Variants in MYLK4 observed in about 807,000 individuals in gnomAD.
MYLK4 encodes the protein caMLCK like.
A neutral mutation model predicts 48.1 loss-of-function variants in MYLK4; 46 were observed. That is an observed-to-expected ratio of 0.96 (90% CI 0.75 to 1.22). MYLK4 has a LOEUF of 1.22. Among genes scored for constraint, MYLK4 ranks in the 50% most tolerant of loss-of-function variants. The pLI is 0.00. For synonymous variants in MYLK4, 170 were observed against 180.8 expected, an observed-to-expected ratio of 0.94 and a Z score of 0.48; for missense variants, 451 against 486.1, an observed-to-expected ratio of 0.93 and a Z score of 0.68.
intron 2 of MYLK4, among the ~76,000 whole-genome samples, chr6:2,694,318 G>A (rs1369393109): frequency 1.3e-5 from 2 of 149,894 alleles, no homozygotes; most frequent in African/African-American, 2.5e-5. Context: ...ACAGAACTCA[G>A]CACATATCCC....
At chr6:2,766,601 A>G in the MYLK4 span, among the ~76,000 whole-genome samples, 1 of 152,180 alleles carries the variant, frequency 6.6e-6, no homozygotes. Flanking sequence ...TGCCTGGTCC[A>G]CAGGTGGAGT....
chr6:2,696,344 G>A (rs1762059935), intron 2 of MYLK4, among the ~76,000 whole-genome samples: 1 of 152,142 alleles, frequency 6.6e-6, no homozygotes, highest in Non-Finnish European at 1.5e-5. Context: ...CCCCCCCGAC[G>A]ATATACGCAC....
chr6:2,765,672 A>G, the MYLK4 span: 8 of 1,552,784 alleles, frequency 5.2e-6, no homozygotes, highest in South Asian at 8.0e-5. Context: ...CAGCTGCACC[A>G]GGTGCAGTGC....
the MYLK4 span, chr6:2,766,279 A>G: frequency 8.8e-6 from 14 of 1,586,786 alleles, no homozygotes; most frequent in African/African-American, 1.2e-4. Flanking sequence ...AGGAGATCCG[A>G]CAGATGCTAC....
chr6:2,675,970 T>C (rs1761065308), intron 10 of MYLK4, among the ~76,000 whole-genome samples: 1 of 151,548 alleles, frequency 6.6e-6, no homozygotes, highest in Non-Finnish European at 1.5e-5. Flanking sequence ...GGCACACCTG[T>C]AATCCCAGCT....
intron 2 of MYLK4, among the ~76,000 whole-genome samples, chr6:2,710,914 G>A (rs567273027): frequency 6.6e-6 from 1 of 152,326 alleles, no homozygotes; most frequent in South Asian, 2.1e-4. Context: ...AATGTCCGAG[G>A]TAATAAAATT....
chr6:2,686,047 G>A (rs1390312401), intron 4 of MYLK4, among the ~76,000 whole-genome samples: 1 of 142,138 alleles, frequency 7.0e-6, no homozygotes, highest in Non-Finnish European at 1.5e-5. Context: ...CAGCCTGGGC[G>A]ACAGTGCAAG....
chr6:2,688,970 G>C lies in MYLK4; in HGVS notation c.236-14C>G, dbSNP rs1299575220. The C allele has an allele frequency of 1.2e-6, 2 of 1,610,936 alleles. No individual in the cohort carries two copies. Among genetic ancestry groups the C allele is most frequent in the Non-Finnish European group, 1.7e-6 (2 of 1,177,050 alleles). ...CCGGGATGTCAACTAGAAGGTGAGAGAAACAGAAGGGCAATCTGTCAAGAA... is the reference window on the plus strand; with the variant it reads ...CCGGGATGTCAACTAGAAGGTGAGACAAACAGAAGGGCAATCTGTCAAGAA... On this transcript the variant is annotated splice_polypyrimidine_tract_variant and intron_variant, in intron 3 of 12. Coordinates refer to ENST00000274643, the MANE Select transcript of MYLK4 (RefSeq NM_001012418.5).
chr6:2,679,511 A>G (rs1761215332), intron 8 of MYLK4, 103 bp from the exon 9 acceptor site: 1 of 1,386,750 alleles, frequency 7.2e-7, no homozygotes, highest in Admixed American at 1.7e-5. Flanking sequence ...GCCATACAGC[A>G]AACTTCAGAC....
At position 2,666,755 on chromosome 6, in the gene MYLK4, G is replaced by C. The variant is rs1209019555; in HGVS notation, c.*1170C>G. On this transcript the variant is annotated 3_prime_UTR_variant, in exon 13 of 13. Coordinates refer to ENST00000274643, the MANE Select transcript of MYLK4 (RefSeq NM_001012418.5). Reference sequence around the variant, plus strand: ...TGGGCCCCATAAGCTGTCTACAGTAGGGCCATTTCCTTTCTTACATATCTG... The same window carrying C: ...TGGGCCCCATAAGCTGTCTACAGTACGGCCATTTCCTTTCTTACATATCTG... 6.6e-6 allele frequency: 1 copy of C among 152,168 alleles called. No homozygotes were observed. The highest frequency in any genetic ancestry group is 1.5e-5 in the Non-Finnish European group (1 of 68,050). The allele number at this position is 152,168 out of a possible 1,614,324, so 9.4% of individuals were successfully genotyped here.
chr6:2,682,963 GC>G, intron 7 of MYLK4, 57 bp downstream of exon 7: 2 of 1,597,844 alleles, frequency 1.3e-6, no homozygotes. Flanking sequence ...AGCAGACAGG[GC>G]CCACTGTGCA....
chr6:2,740,860 A>G (rs1763876397), intron 2 of MYLK4, among the ~76,000 whole-genome samples: 1 of 152,226 alleles, frequency 6.6e-6, no homozygotes, highest in African/African-American at 2.4e-5. Context: ...AGAAAATGAC[A>G]AATAAGTGAA....
chr6:2,720,586 A>G (rs1763034163), intron 2 of MYLK4, among the ~76,000 whole-genome samples: 1 of 152,210 alleles, frequency 6.6e-6, no homozygotes, highest in African/African-American at 2.4e-5. Context: ...CACCAACCTA[A>G]TATCTTCAGG....
At position 2,692,811 on chromosome 6, in the gene MYLK4, T is replaced by A; in HGVS notation, c.208A>T (p.Lys70Ter). The A allele has an allele frequency of 6.2e-7, 1 of 1,613,948 alleles. No individual in the cohort carries two copies. The highest frequency in any genetic ancestry group is 1.7e-5 in the Admixed American group (1 of 60,016). The change falls in exon 3 of 13, where the codon AAA becomes TAA. Residue 70 changes from lysine (K) to a stop codon, truncating the protein, a stop_gained. Transcript: ENST00000274643. LOFTEE classifies it high-confidence loss of function. ...NADLTERMPVKSKRTSALAVD... is the reference protein window; with the variant it reads ...NADLTERMPV ...GCGAGGGCTGATGTCCTTTTGCTTTTGACGGGCATCCTTTCCGTCAGGTCG... is the reference window on the plus strand; with the variant it reads ...GCGAGGGCTGATGTCCTTTTGCTTTAGACGGGCATCCTTTCCGTCAGGTCG...
chr6:2,740,589 C>G (rs2113356524), intron 2 of MYLK4, among the ~76,000 whole-genome samples: 1 of 152,262 alleles, frequency 6.6e-6, no homozygotes, highest in South Asian at 2.1e-4. Flanking sequence ...CTTTCCTTCC[C>G]TGTTTCATAC....
In MYLK4 at chr6:2,712,672, A is replaced by C. The variant is rs1381858514; in HGVS notation, c.160-19813T>G. On this transcript the variant is annotated intron_variant, in intron 2 of 12. Transcript: ENST00000274643. The stretch of plus-strand genomic sequence containing the variant: ...CTAAGTGGGACCCACTGAGGTTCAG[A>C]AGGCCCAAATGAGACGTGCCTCTCT... Among the ~76,000 whole-genome samples the C allele has an allele frequency of 4.6e-5, 7 of 152,206 alleles. No homozygotes were observed. The East Asian group carries it at 1.3e-3, about 29-fold the overall frequency.
At chr6:2,736,469 G>GA (rs1456780601) in intron 2 of MYLK4, among the ~76,000 whole-genome samples, 2 of 152,190 alleles carry the variant, frequency 1.3e-5, no homozygotes, top group Non-Finnish European at 2.9e-5. Flanking sequence ...AACCTGCATT[G>GA]AAAATCTCTA....
At chr6:2,766,717 C>G in the MYLK4 span, among the ~76,000 whole-genome samples, 1 of 152,204 alleles carries the variant, frequency 6.6e-6, no homozygotes, top group Admixed American at 6.5e-5. Flanking sequence ...AAGATGTGGA[C>G]TCTTAGATTT....
In MYLK4 at chr6:2,750,447, A is replaced by G. The variant is rs1764256406; in HGVS notation, c.-113+289T>C. On this transcript the variant is annotated intron_variant, in intron 1 of 12. Transcript: ENST00000274643. ...TACAGATCATTCTTAGCATTCTTTCAAATTGCCCTGAAAAAATTATTAAAA... is the reference window on the plus strand; with the variant it reads ...TACAGATCATTCTTAGCATTCTTTCGAATTGCCCTGAAAAAATTATTAAAA... 2.0e-5 allele frequency among the ~76,000 whole-genome samples: 3 copies of G among 152,232 alleles called. No homozygotes were observed. In the South Asian group the frequency reaches 6.2e-4, roughly 32 times the overall value.
Sources: gnomAD v4.1 joint callset for allele counts (sites outside exome capture counted in the v4.1 genomes callset) on GRCh38, gnomAD v4.1.1 for gene constraint, MANE v1.5 for transcripts, NCBI Gene and HGNC (gene_info 2026-07-23, HGNC 2026-07-21) for gene names.